Variants in PTPRT observed in about 807,000 individuals in gnomAD.
PTPRT encodes receptor-type tyrosine-protein phosphatase T.
In PTPRT, 56 loss-of-function variants were observed where a neutral mutation model predicts 176.8. The ratio of observed to expected loss-of-function variants is 0.32; its 90% confidence interval spans 0.26 to 0.40. The LOEUF (loss-of-function observed/expected upper bound fraction) is 0.40, where lower values mean the gene tolerates loss of function less well. PTPRT is among the 10% of genes least tolerant of loss of function. The pLI, the probability that PTPRT is intolerant of heterozygous loss-of-function variation, is 1.00. For synonymous variants in PTPRT, 783 were observed against 739.0 expected (o/e 1.06, Z -0.96); for missense variants, 1,540 against 1,908.2 (o/e 0.81, Z 3.60).
intron 1 of PTPRT, among the ~76,000 whole-genome samples, chr20:42,981,936 T>A (rs939944581): frequency 1.3e-5 from 2 of 152,254 alleles, no homozygotes; most frequent in African/African-American, 4.8e-5. Context: ...ATGGTCTCTT[T>A]ATGGGGCGCT....
At chr20:43,175,148 A>C (rs2015095404) in intron 1 of PTPRT, among the ~76,000 whole-genome samples, 3 of 152,236 alleles carry the variant, frequency 2.0e-5, no homozygotes, top group Admixed American at 2.0e-4. Context: ...CTGGGATGCG[A>C]GGAAGTCTCC....
At chr20:42,728,555 C>T (rs928766201) in intron 6 of PTPRT, among the ~76,000 whole-genome samples, 2 of 152,152 alleles carry the variant, frequency 1.3e-5, no homozygotes, top group Admixed American at 6.6e-5. Flanking sequence ...TAGCAGTTAC[C>T]TCTAGTTCAT....
chr20:42,806,844 A>G (rs773122759), intron 2 of PTPRT, among the ~76,000 whole-genome samples: 2 of 152,222 alleles, frequency 1.3e-5, no homozygotes, highest in Admixed American at 6.5e-5. Context: ...ATTATTAACT[A>G]TGATGAGATT....
chr20:42,942,692 T>C (rs914105062), intron 1 of PTPRT, among the ~76,000 whole-genome samples: 2 of 152,194 alleles, frequency 1.3e-5, no homozygotes, highest in African/African-American at 4.8e-5. Flanking sequence ...AAACCCTATC[T>C]TCACTAACTG....
intron 12 of PTPRT, among the ~76,000 whole-genome samples, chr20:42,296,497 G>C (rs549351284): frequency 8.0e-5 from 12 of 149,622 alleles, no homozygotes; most frequent in Admixed American, 2.0e-4. Context: ...GTAACTACTA[G>C]AACAGAAATA....
chr20:42,459,252 C>A (rs797015796), intron 8 of PTPRT, among the ~76,000 whole-genome samples: 2 of 152,250 alleles, frequency 1.3e-5, no homozygotes, highest in Admixed American at 6.5e-5. Context: ...CATAGTGAGG[C>A]ACAAGTAGCA....
chr20:43,061,109 T>G (rs1167769275), intron 1 of PTPRT, among the ~76,000 whole-genome samples: 1 of 151,622 alleles, frequency 6.6e-6, no homozygotes, highest in African/African-American at 2.4e-5. Flanking sequence ...GATGGATGGA[T>G]GGATGGATGG....
At chr20:42,562,575 G>T (rs917974120) in intron 7 of PTPRT, among the ~76,000 whole-genome samples, 1 of 152,188 alleles carries the variant, frequency 6.6e-6, no homozygotes. Context: ...TCTTATGTGG[G>T]AATGTTTATA....
chr20:42,523,321 C>T (rs567058184), intron 7 of PTPRT, among the ~76,000 whole-genome samples: 13 of 152,170 alleles, frequency 8.5e-5, no homozygotes, highest in South Asian at 6.2e-4. Context: ...GATCGTCTTT[C>T]CTTGACAAGT....
intron 8 of PTPRT, among the ~76,000 whole-genome samples, chr20:42,450,012 C>T (rs1166601668): frequency 6.6e-6 from 1 of 151,848 alleles, no homozygotes; most frequent in African/African-American, 2.4e-5. Context: ...TTCATTGTGA[C>T]CTTATTTTAT....
chr20:42,592,668 G>A (rs1274563504), intron 7 of PTPRT, among the ~76,000 whole-genome samples: 2 of 152,216 alleles, frequency 1.3e-5, no homozygotes, highest in Non-Finnish European at 2.9e-5. Flanking sequence ...TAGCCCCTCT[G>A]AAGGTGCTGA....
chr20:42,472,678 C>T, intron 7 of PTPRT, 116 bp from the exon 8 acceptor site: 1 of 1,030,062 alleles, frequency 9.7e-7, no homozygotes, highest in East Asian at 2.6e-5. Flanking sequence ...ACCATTCAAT[C>T]ACTGCCATCA....
At chr20:43,164,921 G>C (rs1804942138) in intron 1 of PTPRT, among the ~76,000 whole-genome samples, 1 of 152,082 alleles carries the variant, frequency 6.6e-6, no homozygotes, top group South Asian at 2.1e-4. Context: ...TGGCCCATGG[G>C]ACACAGTTTT....
At chr20:43,083,352 ATATATATATATATATAT>A (rs1568774202) in intron 1 of PTPRT, among the ~76,000 whole-genome samples, 10 of 128,606 alleles carry the variant, frequency 7.8e-5, no homozygotes, top group East Asian at 4.3e-4. Flanking sequence ...ATATATATAT[ATATATATATATATATAT>A]ACATTTTTTG....
chr20:42,735,859 CG>C (rs1451766703), intron 6 of PTPRT, among the ~76,000 whole-genome samples: 2 of 152,060 alleles, frequency 1.3e-5, no homozygotes, highest in Non-Finnish European at 2.9e-5. Context: ...TGCAGCCACT[CG>C]GCCCTCAACT....
At chr20:42,841,648 CACACACACACAT>C (rs1418290562) in intron 2 of PTPRT, among the ~76,000 whole-genome samples, 12 of 125,274 alleles carry the variant, frequency 9.6e-5, no homozygotes, top group South Asian at 2.7e-4. Flanking sequence ...CACACACACA[CACACACACACAT>C]AATCTCTCTC....
intron 7 of PTPRT, among the ~76,000 whole-genome samples, chr20:42,542,694 T>TAATATAAAC (rs2072605254): frequency 6.6e-6 from 1 of 152,212 alleles, no homozygotes; most frequent in Admixed American, 6.5e-5. Flanking sequence ...TACTCACACA[T>TAATATAAAC]GCATGAAATA....
chr20:42,726,722 G>A (rs958746502), intron 6 of PTPRT, among the ~76,000 whole-genome samples: 2 of 152,230 alleles, frequency 1.3e-5, no homozygotes, highest in East Asian at 1.9e-4. Flanking sequence ...GTAGGGCCTC[G>A]GGCTCTTCCA....
In PTPRT at chr20:42,106,841, A is replaced by G; in HGVS notation, c.3335T>C (p.Ile1112Thr). Residue 1112 changes from isoleucine (I) to threonine (T), a missense_variant, in exon 24 of 31, where the codon ATC (isoleucine) becomes ACC (threonine). Physicochemically the swap from Ile to Thr is moderately conservative, Grantham distance 89. Around this residue, in one of 11 missense-constraint regions of PTPRT, gnomAD observed 248 missense variants for 356.7 expected, o/e 0.70. Transcript: ENST00000373187. ...CCGGAGCTCACGCACGCAGTTGAAG[A>G]TGTCCACCACCCCTTCATTCTCGGC... ...DMAENEGVVDIFNCVRELRAQ... is the reference protein window; with the variant it reads ...DMAENEGVVDTFNCVRELRAQ... 3 of 1,614,106 alleles carry G rather than the reference A, an allele frequency of 1.9e-6. No homozygotes were observed. Among genetic ancestry groups the G allele is most frequent in the Non-Finnish European group, 2.5e-6 (3 of 1,180,012 alleles).
Sources: gnomAD v4.1 joint callset for allele counts (sites outside exome capture counted in the v4.1 genomes callset) on GRCh38, gnomAD v4.1.1 for gene constraint, gnomAD v4.1.1 regional missense constraint, MANE v1.5 for transcripts, NCBI Gene and HGNC (gene_info 2026-07-23, HGNC 2026-07-21) for gene names.